CHN2: variants seen among roughly 807,000 people sequenced by gnomAD.
The protein encoded by CHN2 is chimerin 2.
In CHN2, 35 loss-of-function variants were observed where a neutral mutation model predicts 56.3. That is an observed-to-expected ratio of 0.62 (90% CI 0.47 to 0.82). CHN2 has a LOEUF of 0.82. Among genes scored for constraint, CHN2 ranks in the 40% least tolerant of loss-of-function variants. The probability of loss-of-function intolerance (pLI) is 0.00; values close to 1 mark genes in which losing one functional copy is unlikely to be tolerated. For synonymous variants in CHN2, 210 were observed against 212.8 expected, an observed-to-expected ratio of 0.99 and a Z score of 0.12; for missense variants, 491 against 580.5, an observed-to-expected ratio of 0.85 and a Z score of 1.58.
At chr7:29,211,817 A>G (rs528209796) in intron 1 of CHN2, among the ~76,000 whole-genome samples, 2 of 151,884 alleles carry the variant, frequency 1.3e-5, no homozygotes, top group Admixed American at 1.3e-4. Flanking sequence ...GCGTAGCACT[A>G]TTTTATTGAA....
intron 6 of CHN2, among the ~76,000 whole-genome samples, chr7:29,465,322 C>T (rs950614732): frequency 3.3e-5 from 5 of 152,230 alleles, no homozygotes; most frequent in African/African-American, 1.2e-4. Context: ...CAAATGTCAA[C>T]ACCTTCTTAA....
intron 7 of CHN2, among the ~76,000 whole-genome samples, chr7:29,488,830 C>A (rs1041597056): frequency 6.6e-6 from 1 of 152,144 alleles, no homozygotes; most frequent in Non-Finnish European, 1.5e-5. Context: ...CAGACCCCCA[C>A]AACAAAGAAT....
chr7:29,219,321 T>C (rs10242563), intron 1 of CHN2, among the ~76,000 whole-genome samples: 2,965 of 152,272 alleles, frequency 0.019, 90 homozygotes, highest in African/African-American at 0.067. Context: ...ATCTTTAGGG[T>C]AATCATTAAA....
intron 1 of CHN2, among the ~76,000 whole-genome samples, chr7:29,284,135 T>A (rs2128863342): frequency 6.6e-6 from 1 of 151,770 alleles, no homozygotes; most frequent in South Asian, 2.1e-4. Context: ...TCTGGCTCTG[T>A]CCCAGGCTGA....
At chr7:29,307,606 T>A (rs186220847) in intron 1 of CHN2, among the ~76,000 whole-genome samples, 1 of 152,290 alleles carries the variant, frequency 6.6e-6, no homozygotes, top group East Asian at 1.9e-4. Context: ...CAAGAGCCCA[T>A]TTAAGGCAAA....
intron 1 of CHN2, among the ~76,000 whole-genome samples, chr7:29,210,401 C>T (rs767280260): frequency 2.6e-5 from 4 of 151,924 alleles, no homozygotes; most frequent in African/African-American, 7.3e-5. Flanking sequence ...AAACCCAGCA[C>T]GTACACACAC....
rs190919708 is a variant in CHN2 at position 29,221,071 on chromosome 7, A to G, written c.49+26081A>G. ...TTTGATTCCGCACTTGGTTATAATA[A>G]AAATTCTCAACAAACTAATAGAAGG... On this transcript the variant is annotated intron_variant, in intron 1 of 12. Transcript: ENST00000222792. 1.1e-3 allele frequency among the ~76,000 whole-genome samples: 163 copies of G among 152,314 alleles called. 1 individual carries two copies. Among genetic ancestry groups the G allele is most frequent in the African/African-American group, 3.5e-3 (146 of 41,584 alleles).
chr7:29,291,459 C>T (rs1792619716), intron 1 of CHN2, among the ~76,000 whole-genome samples: 1 of 151,962 alleles, frequency 6.6e-6, no homozygotes, highest in Non-Finnish European at 1.5e-5. Flanking sequence ...CTTCTAATTG[C>T]CTTTTATGTA....
chr7:29,282,156 G>C (rs1343557976), intron 1 of CHN2, among the ~76,000 whole-genome samples: 1 of 152,202 alleles, frequency 6.6e-6, no homozygotes, highest in Non-Finnish European at 1.5e-5. Context: ...TCTTCTGTTT[G>C]TGTTGTAAAT....
intron 1 of CHN2, among the ~76,000 whole-genome samples, chr7:29,346,277 A>G (rs1457030216): frequency 6.6e-6 from 1 of 152,216 alleles, no homozygotes; most frequent in African/African-American, 2.4e-5. Context: ...TAATGTATGT[A>G]TCAAAGACAT....
rs554874135 is a variant in CHN2 at position 29,394,142 on chromosome 7, T to C, written c.176+432T>C. 3.3e-5 allele frequency among the ~76,000 whole-genome samples: 5 copies of C among 152,332 alleles called. No homozygotes were observed. The South Asian group carries it at 1.0e-3, about 32-fold the overall frequency. On this transcript the variant is annotated intron_variant, in intron 4 of 12. Transcript: ENST00000222792. Reference sequence around the variant, plus strand: ...GGTCAGGATAGGCATCCCACTTCTCTGCAGTCTCATAAAACCCAAATGATG... The same window carrying C: ...GGTCAGGATAGGCATCCCACTTCTCCGCAGTCTCATAAAACCCAAATGATG...
chr7:29,362,589 A>G (rs529787138), intron 2 of CHN2, among the ~76,000 whole-genome samples: 1 of 152,224 alleles, frequency 6.6e-6, no homozygotes, highest in African/African-American at 2.4e-5. Context: ...CTTCTCACAC[A>G]TCCCACGCCC....
At chr7:29,152,770 G>A (rs1282829380) in intron 2 of CHN2, among the ~76,000 whole-genome samples, 1 of 152,220 alleles carries the variant, frequency 6.6e-6, no homozygotes, top group African/African-American at 2.4e-5. Flanking sequence ...GCACCCCATT[G>A]TTAAGTTTCT....
intron 1 of CHN2, among the ~76,000 whole-genome samples, chr7:29,286,759 G>A (rs190856710): frequency 6.6e-6 from 1 of 152,280 alleles, no homozygotes; most frequent in East Asian, 1.9e-4. Context: ...CCATATGAGT[G>A]GGCTTGGTGG....
At chr7:29,241,588 C>G (rs1787686631) in intron 1 of CHN2, among the ~76,000 whole-genome samples, 1 of 152,086 alleles carries the variant, frequency 6.6e-6, no homozygotes, top group Admixed American at 6.5e-5. Flanking sequence ...GGGGGGAAAC[C>G]TTCTAGAACA....
chr7:29,312,431 G>A lies in CHN2; in HGVS notation c.50-42194G>A, dbSNP rs1417824704. Among the ~76,000 whole-genome samples the A allele has an allele frequency of 1.3e-5, 2 of 152,310 alleles. 1 individual carries two copies. The highest frequency in any genetic ancestry group is 4.1e-4 in the South Asian group (2 of 4,822). On this transcript the variant is annotated intron_variant, in intron 1 of 12. Transcript: ENST00000222792. ...TCTTTCAAACTGTAGGTAAAATGGA[G>A]AGGAATTAATCTGACCAAAGTGTGT...
intron 2 of CHN2, among the ~76,000 whole-genome samples, chr7:29,187,781 C>G (rs2128750694): frequency 6.6e-6 from 1 of 152,204 alleles, no homozygotes; most frequent in South Asian, 2.1e-4. Context: ...TCAACATCCA[C>G]TCTCTCCCCA....
chr7:29,348,257 A>G (rs1797617578), intron 1 of CHN2, among the ~76,000 whole-genome samples: 2 of 152,264 alleles, frequency 1.3e-5, no homozygotes, highest in South Asian at 2.1e-4. Flanking sequence ...TTTTCCCTCA[A>G]AGACCAGAAC....
chr7:29,294,644 G>A (rs1349612381), intron 1 of CHN2, among the ~76,000 whole-genome samples: 2 of 152,166 alleles, frequency 1.3e-5, no homozygotes, highest in Non-Finnish European at 2.9e-5. Flanking sequence ...GAGAGACTCT[G>A]CTCAAAATGC....
Sources: allele counts gnomAD v4.1 joint callset (sites outside exome capture counted in the v4.1 genomes callset), GRCh38; gene constraint gnomAD v4.1.1; transcripts MANE v1.5; gene names NCBI Gene and HGNC (gene_info 2026-07-23, HGNC 2026-07-21).